TFG: variants seen among roughly 807,000 people sequenced by gnomAD.
TFG encodes the protein protein TFG.
TFG carries 22 observed loss-of-function variants against 51.4 expected under a neutral mutation model. The observed-to-expected ratio is 0.43, with a 90% CI of 0.31 to 0.61. The LOEUF is 0.61. Among genes scored for constraint, TFG ranks in the 20% least tolerant of loss-of-function variants. TFG has a pLI of 0.12. For missense variants in TFG, 419 were observed against 487.7 expected (o/e 0.86, Z 1.33); for synonymous variants, 187 against 165.6 (o/e 1.13, Z -0.99).
At chr3:100,718,554 T>G (rs1312203513) in intron 2 of TFG, among the ~76,000 whole-genome samples, 30 of 61,118 alleles carry the variant, frequency 4.9e-4, no homozygotes, top group Middle Eastern at 6.3e-3. Flanking sequence ...TCATGGTTTT[T>G]TTTTTTTTTT....
chr3:100,725,985 G>A (rs2095074626), intron 3 of TFG, among the ~76,000 whole-genome samples: 1 of 152,182 alleles, frequency 6.6e-6, no homozygotes, highest in Non-Finnish European at 1.5e-5. Context: ...AGGGAGAATT[G>A]CAAGGTGATT....
chr3:100,730,773 C>G (rs1484156040), intron 4 of TFG, among the ~76,000 whole-genome samples: 3 of 152,102 alleles, frequency 2.0e-5, no homozygotes, highest in Admixed American at 6.5e-5. Context: ...GAAGATTGAC[C>G]TGTTGCAGTA....
At chr3:100,714,499 CA>C (rs1173181829) in intron 2 of TFG, among the ~76,000 whole-genome samples, 2,320 of 129,356 alleles carry the variant, frequency 0.018, 41 homozygotes, top group African/African-American at 0.057. Context: ...GACTCCGTCT[CA>C]AAAAAAAAAA....
At chr3:100,734,547 A>G (rs928754566) in intron 5 of TFG, among the ~76,000 whole-genome samples, 4 of 152,130 alleles carry the variant, frequency 2.6e-5, no homozygotes, top group East Asian at 3.9e-4. Flanking sequence ...TATCCATTCT[A>G]ATTTTATTGG....
At chr3:100,719,866 A>G in intron 2 of TFG, 109 bp from the exon 3 acceptor site, 5 of 626,752 alleles carry the variant, frequency 8.0e-6, no homozygotes, top group South Asian at 4.4e-5. Flanking sequence ...GAGTCCAACT[A>G]TGTTCTACAA....
intron 1 of TFG, among the ~76,000 whole-genome samples, chr3:100,710,539 C>T (rs187442311): frequency 6.6e-6 from 1 of 152,290 alleles, no homozygotes; most frequent in African/African-American, 2.4e-5. Context: ...AAACTGCTCC[C>T]CTCAGGAGGT....
rs547265955 is a variant in TFG at position 100,722,106 on chromosome 3, G to A, written c.268+2048G>A. Among the ~76,000 whole-genome samples the A allele has an allele frequency of 1.5e-4, 23 of 152,216 alleles. No individual in the cohort carries two copies. In the East Asian group the frequency reaches 2.3e-3, roughly 15 times the overall value. Reference sequence around the variant, plus strand: ...GTGGAGGTTGCAGTGAGTCGAGATCGCGCCACTGCACTCCAGCCTGGGTGA... The same window carrying A: ...GTGGAGGTTGCAGTGAGTCGAGATCACGCCACTGCACTCCAGCCTGGGTGA... On this transcript the variant is annotated intron_variant, in intron 3 of 7. Coordinates refer to ENST00000240851, the MANE Select transcript of TFG (RefSeq NM_006070.6).
In TFG at chr3:100,719,993, T is replaced by G; in HGVS notation, c.203T>G (p.Ile68Ser). The G allele has an allele frequency of 6.4e-7, 1 of 1,563,582 alleles. No individual in the cohort carries two copies. The highest frequency in any genetic ancestry group is 8.6e-7 in the Non-Finnish European group (1 of 1,159,234). Residue 68 changes from isoleucine (I) to serine (S), a missense_variant, in exon 3 of 8, where the codon ATT becomes AGT. Transcript: ENST00000240851. ...ATTCCAGATGGAGATCTTATAACAA[T>G]TTTTGATAGTTCTGACCTTTCCTTT... ...YKDEDGDLIT[I>S]FDSSDLSFAI...
At chr3:100,747,043 G>C (rs2095136710) in intron 7 of TFG, among the ~76,000 whole-genome samples, 1 of 152,056 alleles carries the variant, frequency 6.6e-6, no homozygotes, top group South Asian at 2.1e-4. Flanking sequence ...AATTTAGTCA[G>C]GGTCTTCACT....
At chr3:100,746,141 C>A (rs1447186887) in intron 7 of TFG, among the ~76,000 whole-genome samples, 1 of 152,042 alleles carries the variant, frequency 6.6e-6, no homozygotes, top group Non-Finnish European at 1.5e-5. Context: ...GGATGCAGTT[C>A]TTTTAAAAAA....
At chr3:100,728,612 G>T (rs1434172919) in intron 3 of TFG, 100 bp from the exon 4 acceptor site, 61 of 1,017,366 alleles carry the variant, frequency 6.0e-5, no homozygotes, top group South Asian at 2.2e-4. Flanking sequence ...TCTTGTTTTT[G>T]TTTTTTTAAA....
intron 4 of TFG, among the ~76,000 whole-genome samples, chr3:100,730,091 A>G (rs901473129): frequency 3.9e-5 from 6 of 152,226 alleles, no homozygotes; most frequent in Non-Finnish European, 7.4e-5. Context: ...TGAAAAAGTT[A>G]GACAATTTTT....
intron 7 of TFG, among the ~76,000 whole-genome samples, chr3:100,745,558 T>C (rs1442519177): frequency 6.6e-6 from 1 of 152,206 alleles, no homozygotes; most frequent in Non-Finnish European, 1.5e-5. Context: ...TTAAGTATGA[T>C]AAATATTATT....
chr3:100,717,746 T>C (rs1576356678), intron 2 of TFG, among the ~76,000 whole-genome samples: 1 of 152,246 alleles, frequency 6.6e-6, no homozygotes, highest in East Asian at 1.9e-4. Flanking sequence ...TTCTGGCAGC[T>C]TTATTGAATT....
At chr3:100,747,910 T>TA (rs1491515926) in intron 7 of TFG, among the ~76,000 whole-genome samples, 2 of 152,190 alleles carry the variant, frequency 1.3e-5, no homozygotes, top group African/African-American at 4.8e-5. Flanking sequence ...GGAATTATGC[T>TA]ATGTCAGGAA....
rs2095164606 is a variant in TFG, at chr3:100,748,948, A to G, written c.*417A>G. On this transcript the variant is annotated 3_prime_UTR_variant, in exon 8 of 8. Transcript: ENST00000240851. ...AATGTAACACTGATGATAGGTTAAT[A>G]AAGATGATTGAATCCATTAGTGGTC... The G allele has an allele frequency of 5.0e-6, 1 of 198,670 alleles. No homozygotes were observed. The allele number at this position is 198,670 out of a possible 1,614,324, so 12.3% of individuals were successfully genotyped here. A position where few individuals can be genotyped will look rare whatever the true frequency, so the allele number is the denominator to read the frequency against.
intron 2 of TFG, among the ~76,000 whole-genome samples, chr3:100,718,597 G>C (rs889336893): frequency 2.0e-5 from 2 of 100,806 alleles, no homozygotes; most frequent in Non-Finnish European, 3.7e-5. Flanking sequence ...TTGCTTTGTC[G>C]TTTAGGCTGG....
At chr3:100,715,341 A>T (rs751335113) in intron 2 of TFG, among the ~76,000 whole-genome samples, 3 of 152,210 alleles carry the variant, frequency 2.0e-5, no homozygotes, top group African/African-American at 4.8e-5. Flanking sequence ...GAAGAATCAT[A>T]TGGGAGATTT....
At chr3:100,734,197 C>T (rs945289533) in intron 5 of TFG, among the ~76,000 whole-genome samples, 5 of 151,676 alleles carry the variant, frequency 3.3e-5, no homozygotes, top group Non-Finnish European at 5.9e-5. Flanking sequence ...ACATTAATGA[C>T]TTCATTTTGG....
Sources: gnomAD v4.1 joint callset for allele counts (sites outside exome capture counted in the v4.1 genomes callset) on GRCh38, gnomAD v4.1.1 for gene constraint, MANE v1.5 for transcripts, NCBI Gene and HGNC (gene_info 2026-07-23, HGNC 2026-07-21) for gene names.